TRAF2: variants seen among roughly 807,000 people sequenced by gnomAD.
TRAF2 encodes TNF receptor associated factor 2, also known as TNF receptor-associated factor 2.
Under a neutral mutation model 55.6 loss-of-function variants are expected in TRAF2, and 6 were observed. The observed-to-expected ratio is 0.11, with a 90% CI of 0.06 to 0.21. TRAF2 has a LOEUF of 0.21. TRAF2 is among the 10% of genes least tolerant of loss of function. TRAF2 has a pLI of 1.00. For missense variants in TRAF2, 561 were observed against 684.5 expected (o/e 0.82, Z 2.01); for synonymous variants, 329 against 276.3 (o/e 1.19, Z -1.89).
intron 6 of TRAF2, among the ~76,000 whole-genome samples, chr9:136,914,075 G>C (rs2131318642): frequency 6.6e-6 from 1 of 152,352 alleles, no homozygotes; most frequent in East Asian, 1.9e-4. Flanking sequence ...TCATGGTGAT[G>C]CTGGCAGGAA....
At chr9:136,891,461 C>T (rs1036133522) in intron 1 of TRAF2, among the ~76,000 whole-genome samples, 1 of 151,886 alleles carries the variant, frequency 6.6e-6, no homozygotes, top group African/African-American at 2.4e-5. Flanking sequence ...CCAGGCTGGT[C>T]TTGAACTCCT....
chr9:136,925,876 C>T lies in TRAF2; in HGVS notation c.1481C>T (p.Ala494Val). Residue 494 changes from alanine (A) to valine (V), a missense_variant, in exon 11 of 11, where the codon GCC becomes GTC. This residue lies in a region of TRAF2 where 135 missense variants were observed against 207.7 expected (regional missense o/e 0.65). Coordinates refer to ENST00000247668, the MANE Select transcript of TRAF2 (RefSeq NM_021138.4). ...CGGGACGATGCCATCTTCATCAAGG[C>T]CATTGTGGACCTGACAGGGCTCTAA... ...YVRDDAIFIK[A>V]IVDLTGL 1 of 1,614,220 alleles carries T rather than the reference C, an allele frequency of 6.2e-7. No homozygotes were observed. The highest frequency in any genetic ancestry group is 8.5e-7 in the Non-Finnish European group (1 of 1,180,052).
intron 10 of TRAF2, among the ~76,000 whole-genome samples, chr9:136,925,273 G>T (rs1008378172): frequency 1.3e-5 from 2 of 152,202 alleles, no homozygotes; most frequent in African/African-American, 4.8e-5. Context: ...GCAGACTCAG[G>T]TTCTCCCTGA....
upstream of TRAF2, chr9:136,886,467 A>AGCGGCG (rs758131750): frequency 1.7e-4 from 167 of 1,004,746 alleles, 1 homozygote; most frequent in African/African-American, 1.1e-3. Flanking sequence ...CACGCGGCGG[A>AGCGGCG]GCGGCGGCGG....
intron 7 of TRAF2, among the ~76,000 whole-genome samples, chr9:136,917,441 C>T (rs566234742): frequency 2.0e-5 from 3 of 152,230 alleles, no homozygotes; most frequent in South Asian, 2.1e-4. Flanking sequence ...GCCCCTCTGT[C>T]GCCAGCACCT....
chr9:136,887,692 A>C (rs1293437123), intron 1 of TRAF2, among the ~76,000 whole-genome samples: 1 of 152,084 alleles, frequency 6.6e-6, no homozygotes. Context: ...CTAGTTTTTA[A>C]TAAGAGGAAC....
Position 136,920,531 on chromosome 9 carries a change from G to C in TRAF2, c.960+16G>C, listed in dbSNP as rs774626778. ...GAGTAGCAAGGTTTGTGCCTGCCGG[G>C]TGGCCAGCCATGAGGAGGACAGTGT... is the stretch of plus-strand genomic sequence containing the variant. On this transcript the variant is annotated intron_variant, in intron 8 of 10. Coordinates refer to ENST00000247668, the MANE Select transcript of TRAF2 (RefSeq NM_021138.4). 1.9e-6 allele frequency: 3 copies of C among 1,599,244 alleles called. No individual in the cohort carries two copies. Among genetic ancestry groups the C allele is most frequent in the Non-Finnish European group, 2.6e-6 (3 of 1,171,468 alleles).
intron 1 of TRAF2, among the ~76,000 whole-genome samples, chr9:136,895,654 C>T (rs1374795810): frequency 1.3e-5 from 2 of 152,136 alleles, no homozygotes; most frequent in African/African-American, 2.4e-5. Flanking sequence ...GAGTTTAAGA[C>T]CATCCTGGCC....
At chr9:136,914,629 C>T (rs180950213) in intron 6 of TRAF2, among the ~76,000 whole-genome samples, 1 of 152,354 alleles carries the variant, frequency 6.6e-6, no homozygotes, top group Admixed American at 6.5e-5. Context: ...TTCCATGTTG[C>T]TGTCTCCTTT....
At chr9:136,901,691 G>T (rs1269597978) in intron 4 of TRAF2, among the ~76,000 whole-genome samples, 1 of 152,218 alleles carries the variant, frequency 6.6e-6, no homozygotes, top group Non-Finnish European at 1.5e-5. Flanking sequence ...GGCTGTGAGG[G>T]CTGTTTGCTC....
intron 4 of TRAF2, among the ~76,000 whole-genome samples, chr9:136,905,261 CCT>C (rs1849919230): frequency 6.6e-6 from 1 of 152,238 alleles, no homozygotes; most frequent in African/African-American, 2.4e-5. Flanking sequence ...ACATTGTCCT[CCT>C]CTCTCCGGGT....
At chr9:136,923,159 C>T (rs1266037365) in intron 9 of TRAF2, among the ~76,000 whole-genome samples, 1 of 152,154 alleles carries the variant, frequency 6.6e-6, no homozygotes, top group African/African-American at 2.4e-5. Context: ...CTAGCCAGTG[C>T]CTCTTCTGAG....
At chr9:136,910,422 C>T (rs1233248337) in intron 6 of TRAF2, among the ~76,000 whole-genome samples, 1 of 152,194 alleles carries the variant, frequency 6.6e-6, no homozygotes, top group Non-Finnish European at 1.5e-5. Context: ...GTGGGTGGCT[C>T]GCCTGGCAGA....
intron 8 of TRAF2, 122 bp from the exon 9 acceptor site, chr9:136,920,916 A>AGTC: frequency 1.6e-6 from 2 of 1,223,332 alleles, no homozygotes; most frequent in Non-Finnish European, 2.3e-6. Context: ...AGTGGACATG[A>AGTC]GAAACATGGA....
intron 1 of TRAF2, among the ~76,000 whole-genome samples, chr9:136,892,291 G>A (rs978479502): frequency 2.6e-5 from 4 of 151,682 alleles, no homozygotes; most frequent in Non-Finnish European, 4.4e-5. Context: ...GTGAAACCCC[G>A]TCTCTACTAA....
chr9:136,882,831 A>G, upstream of TRAF2: 2 of 780,224 alleles, frequency 2.6e-6, no homozygotes, highest in Non-Finnish European at 3.1e-6. Flanking sequence ...TCTGCCTCTC[A>G]GTCAGGCTGG....
At chr9:136,916,678 C>T (rs898047876) in intron 7 of TRAF2, 63 bp downstream of exon 7, 17 of 1,492,194 alleles carry the variant, frequency 1.1e-5, no homozygotes, top group Middle Eastern at 1.7e-4. Flanking sequence ...TCACTGCCTC[C>T]AGCCCAGTGC....
chr9:136,892,988 G>T lies in TRAF2; in HGVS notation c.-28-5725G>T, dbSNP rs17243711. Among the ~76,000 whole-genome samples, 1,185 of 152,326 alleles carry T rather than the reference G, an allele frequency of 7.8e-3. 22 individuals carry two copies. Among genetic ancestry groups the T allele is most frequent in the African/African-American group, 0.027 (1,129 of 41,578 alleles). On this transcript the variant is annotated intron_variant, in intron 1 of 10. Coordinates refer to ENST00000247668, the MANE Select transcript of TRAF2 (RefSeq NM_021138.4). ...AGAATGCCTCTTATGAAGACTAAGT[G>T]TAGTTCTGTGAACCTTTTAGTGACG...
At chr9:136,888,161 G>A (rs796370547) in intron 1 of TRAF2, among the ~76,000 whole-genome samples, 1 of 152,094 alleles carries the variant, frequency 6.6e-6, no homozygotes, top group Admixed American at 6.6e-5. Flanking sequence ...ATGAGCCACC[G>A]CGCCCGGCCA....
Sources: gnomAD v4.1 joint callset for allele counts (sites outside exome capture counted in the v4.1 genomes callset) on GRCh38, gnomAD v4.1.1 for gene constraint, gnomAD v4.1.1 regional missense constraint, MANE v1.5 for transcripts, NCBI Gene and HGNC (gene_info 2026-07-23, HGNC 2026-07-21) for gene names.